Variants in TPD52L1 observed in about 807,000 individuals in gnomAD.
The protein encoded by TPD52L1 is tumor protein D53.
In TPD52L1, 18 loss-of-function variants were observed where a neutral mutation model predicts 28.7. The ratio of observed to expected loss-of-function variants is 0.63; its 90% CI spans 0.43 to 0.93. The LOEUF (loss-of-function observed/expected upper bound fraction) is 0.93, where lower values mean the gene tolerates loss of function less well. Among genes scored for constraint, TPD52L1 ranks in the 40% least tolerant of loss-of-function variants. The probability of loss-of-function intolerance (pLI) is 0.00; values close to 1 mark genes in which losing one functional copy is unlikely to be tolerated. For synonymous variants in TPD52L1, 75 were observed against 88.8 expected (o/e 0.84, Z 0.88); for missense variants, 203 against 254.8 (o/e 0.80, Z 1.39).
chr6:125,222,300 C>A (rs1428984796), intron 2 of TPD52L1, among the ~76,000 whole-genome samples: 1 of 152,222 alleles, frequency 6.6e-6, no homozygotes. Flanking sequence ...TGCCCCAATT[C>A]TCCACAGAGA....
intron 1 of TPD52L1, among the ~76,000 whole-genome samples, chr6:125,171,236 A>G (rs1791277956): frequency 6.6e-6 from 1 of 152,114 alleles, no homozygotes; most frequent in South Asian, 2.1e-4. Flanking sequence ...TCTGATGCCC[A>G]CTTATGTTTG....
chr6:125,162,671 T>A (rs1229263825), intron 1 of TPD52L1, among the ~76,000 whole-genome samples: 1 of 152,218 alleles, frequency 6.6e-6, no homozygotes, highest in Non-Finnish European at 1.5e-5. Context: ...ATGAACAAGT[T>A]ATTCATTTCA....
intron 1 of TPD52L1, among the ~76,000 whole-genome samples, chr6:125,170,058 A>G (rs1415910777): frequency 6.6e-6 from 1 of 152,156 alleles, no homozygotes; most frequent in African/African-American, 2.4e-5. Flanking sequence ...ATTGCTTGTC[A>G]GTACTACCCT....
chr6:125,190,155 C>A (rs1444878968), intron 1 of TPD52L1, among the ~76,000 whole-genome samples: 1 of 152,108 alleles, frequency 6.6e-6, no homozygotes, highest in Non-Finnish European at 1.5e-5. Context: ...TTTCTGTGAA[C>A]TATATTGATC....
chr6:125,258,400 G>A (rs965429262), intron 6 of TPD52L1, among the ~76,000 whole-genome samples: 5 of 152,098 alleles, frequency 3.3e-5, no homozygotes, highest in African/African-American at 9.7e-5. Context: ...TTAAAGGGAA[G>A]AGCATCCAAT....
chr6:125,229,944 G>A (rs978525883), intron 3 of TPD52L1, among the ~76,000 whole-genome samples: 1 of 152,074 alleles, frequency 6.6e-6, no homozygotes, highest in Non-Finnish European at 1.5e-5. Context: ...AAAATCAGCT[G>A]GGTGTGATGG....
chr6:125,161,054 T>C (rs1028115611), intron 1 of TPD52L1, among the ~76,000 whole-genome samples: 3 of 152,106 alleles, frequency 2.0e-5, no homozygotes, highest in African/African-American at 7.2e-5. Context: ...GGTTTCACCA[T>C]GTTGTCCAGG....
chr6:125,252,118 C>T (rs1275134880), intron 4 of TPD52L1: 2 of 1,480,162 alleles, frequency 1.4e-6, no homozygotes, highest in Non-Finnish European at 1.8e-6. Flanking sequence ...GTTTCTTTCA[C>T]ACTGTGCCTG....
intron 1 of TPD52L1, among the ~76,000 whole-genome samples, chr6:125,196,984 T>C (rs749184149): frequency 1.3e-5 from 2 of 152,244 alleles, no homozygotes; most frequent in Non-Finnish European, 2.9e-5. Flanking sequence ...ATCTGTGCCT[T>C]TCATCAGAAT....
At chr6:125,225,801 G>A (rs1212544623) in intron 2 of TPD52L1, among the ~76,000 whole-genome samples, 1 of 152,184 alleles carries the variant, frequency 6.6e-6, no homozygotes, top group African/African-American at 2.4e-5. Context: ...CTCTGAGGAT[G>A]CTTGCTGATA....
intron 3 of TPD52L1, among the ~76,000 whole-genome samples, chr6:125,231,609 TTTGTTGTTG>T (rs144723103): frequency 6.6e-5 from 10 of 151,212 alleles, no homozygotes; most frequent in African/African-American, 9.7e-5. Flanking sequence ...AGTTTGAGTT[TTTGTTGTTG>T]TTGTTGTTGT....
At position 125,263,995 on chromosome 6, in the gene TPD52L1, T is replaced by A. The variant is rs981102301; in HGVS notation, c.*1033T>A. On this transcript the variant is annotated 3_prime_UTR_variant, in exon 7 of 7. Coordinates refer to ENST00000534000, the MANE Select transcript of TPD52L1 (RefSeq NM_003287.4). ...AAAATTCTCTCCAATCTACATACAG[T>A]AGTAGTTAGTCAGATAAAGGATATC... 6.6e-6 allele frequency: 1 copy of A among 152,158 alleles called. No individual in the cohort carries two copies. 9.4% of individuals were successfully genotyped at this position (152,158 alleles called of 1,614,324 possible). A position where few individuals can be genotyped will look rare whatever the true frequency, so the allele number is the denominator to read the frequency against.
chr6:125,242,962 C>T (rs892020541), intron 3 of TPD52L1, among the ~76,000 whole-genome samples: 8 of 152,042 alleles, frequency 5.3e-5, no homozygotes, highest in Non-Finnish European at 8.8e-5. Flanking sequence ...TTTAGAACTC[C>T]CTTGAGCATT....
intron 1 of TPD52L1, among the ~76,000 whole-genome samples, chr6:125,154,906 GC>G (rs1790013912): frequency 6.6e-6 from 1 of 151,894 alleles, no homozygotes; most frequent in East Asian, 1.9e-4. Flanking sequence ...CTCTGTGTTG[GC>G]TCTTAGTATA....
intron 1 of TPD52L1, among the ~76,000 whole-genome samples, chr6:125,155,399 T>C (rs538131061): frequency 1.3e-5 from 2 of 152,358 alleles, no homozygotes; most frequent in East Asian, 1.9e-4. Flanking sequence ...TTAGTGAGGA[T>C]GGAGAAGAAC....
rs544892765 is a variant in TPD52L1 at position 125,263,034 on chromosome 6, T to G, written c.*72T>G. 4.7e-6 allele frequency: 7 copies of G among 1,485,954 alleles called. No homozygotes were observed. The South Asian group carries it at 7.9e-5, about 17-fold the overall frequency. The allele number at this position is 1,485,954 out of a possible 1,614,324, so 92.0% of individuals were successfully genotyped here. On this transcript the variant is annotated 3_prime_UTR_variant, in exon 7 of 7. Coordinates refer to ENST00000534000, the MANE Select transcript of TPD52L1 (RefSeq NM_003287.4). ...CCATCTCTGCCTGTGCTTATCCAGA[T>G]AAGAAGACCAAAATCCCGCTGGGAA...
At chr6:125,223,317 A>C (rs1795379038) in intron 2 of TPD52L1, among the ~76,000 whole-genome samples, 1 of 152,142 alleles carries the variant, frequency 6.6e-6, no homozygotes, top group African/African-American at 2.4e-5. Flanking sequence ...TGTGCTTACC[A>C]AGTGCTGGCA....
chr6:125,251,907 C>A, intron 4 of TPD52L1: 1 of 1,012,250 alleles, frequency 9.9e-7, no homozygotes, highest in Non-Finnish European at 1.5e-6. Context: ...ATGAAGCTAC[C>A]CTGTCTGTGC....
At chr6:125,172,156 CTTTTCTTTCTTT>C (rs1468239498) in intron 1 of TPD52L1, among the ~76,000 whole-genome samples, 54 of 40,184 alleles carry the variant, frequency 1.3e-3, no homozygotes, top group Admixed American at 1.1e-3. Context: ...TTCTTTCTTT[CTTTTCTTTCTTT>C]CTTTCTTTCT....
Sources: gnomAD v4.1 joint callset for allele counts (sites outside exome capture counted in the v4.1 genomes callset) on GRCh38, gnomAD v4.1.1 for gene constraint, MANE v1.5 for transcripts, NCBI Gene and HGNC (gene_info 2026-07-23, HGNC 2026-07-21) for gene names.